The following ITPKC variants were observed in gnomAD, a reference collection of about 807,000 sequenced individuals.
ITPKC encodes IP3 3-kinase C.
A neutral mutation model predicts 67.1 loss-of-function variants in ITPKC; 33 were observed. That is an observed-to-expected ratio of 0.49 (90% CI 0.37 to 0.66). The LOEUF is 0.66. Ranked by LOEUF, ITPKC falls within the 30% of genes least tolerant of loss-of-function variation. The pLI, the probability that ITPKC is intolerant of heterozygous loss-of-function variation, is 0.00. For synonymous variants in ITPKC, 341 were observed against 359.8 expected (o/e 0.95, Z 0.59); for missense variants, 820 against 892.1 (o/e 0.92, Z 1.03).
intron 1 of ITPKC, among the ~76,000 whole-genome samples, chr19:40,725,060 CATAAG>C (rs2082240031): frequency 1.3e-5 from 2 of 151,990 alleles, no homozygotes; most frequent in Non-Finnish European, 1.5e-5. Context: ...GATCCTTACT[CATAAG>C]AGAAGGACAG....
intron 2 of ITPKC, among the ~76,000 whole-genome samples, chr19:40,727,385 A>C (rs535293365): frequency 2.6e-5 from 4 of 152,222 alleles, no homozygotes; most frequent in African/African-American, 4.8e-5. Context: ...AACAAAACCC[A>C]AAAACCCCAA....
intron 6 of ITPKC, among the ~76,000 whole-genome samples, chr19:40,738,756 G>C (rs1191344922): frequency 6.6e-6 from 1 of 152,126 alleles, no homozygotes; most frequent in African/African-American, 2.4e-5. Context: ...CATATAATAT[G>C]CCCAGCAGCC....
At chr19:40,727,582 T>C (rs1256726733) in intron 2 of ITPKC, among the ~76,000 whole-genome samples, 1 of 152,122 alleles carries the variant, frequency 6.6e-6, no homozygotes, top group Non-Finnish European at 1.5e-5. Flanking sequence ...TTCATTCACT[T>C]GCATGCGTGG....
chr19:40,719,201 C>G (rs1043015633), intron 1 of ITPKC, among the ~76,000 whole-genome samples: 1 of 152,132 alleles, frequency 6.6e-6, no homozygotes, highest in African/African-American at 2.4e-5. Flanking sequence ...ACATGCCTTC[C>G]TTGGGGACGT....
intron 3 of ITPKC, among the ~76,000 whole-genome samples, chr19:40,732,398 C>T (rs1013306064): frequency 1.3e-5 from 2 of 148,916 alleles, no homozygotes; most frequent in African/African-American, 2.5e-5. Context: ...GGTGTGGTGG[C>T]GGGCACCTGT....
chr19:40,737,886 C>A, intron 6 of ITPKC, 117 bp downstream of exon 6: 2 of 855,008 alleles, frequency 2.3e-6, no homozygotes, highest in Non-Finnish European at 3.9e-6. Flanking sequence ...CGTTGTGGCC[C>A]GCACCTGTAA....
chr19:40,729,313 A>T lies in ITPKC; in HGVS notation c.1367A>T (p.Tyr456Phe). ...CCGCTGCGACCTTTCGTGCCTGCCTACTATGGCATGGTGCTGCAGGATGGC... is the reference window on the plus strand; with the variant it reads ...CCGCTGCGACCTTTCGTGCCTGCCTTCTATGGCATGGTGCTGCAGGATGGC... ...KDPLRPFVPA[Y>F]YGMVLQDGQT... Residue 456 changes from tyrosine to phenylalanine, a missense_variant, in exon 3 of 7, where the codon TAC becomes TTC. Tyr to Phe is a conservative substitution (Grantham distance 22). Transcript: ENST00000263370. The T allele has an allele frequency of 6.2e-7, 1 of 1,614,202 alleles. No homozygotes were observed. Among genetic ancestry groups the T allele is most frequent in the Non-Finnish European group, 8.5e-7 (1 of 1,180,024 alleles).
chr19:40,723,102 C>T (rs1314882270), intron 1 of ITPKC, among the ~76,000 whole-genome samples: 1 of 152,116 alleles, frequency 6.6e-6, no homozygotes, highest in Non-Finnish European at 1.5e-5. Flanking sequence ...GCTGGGACTG[C>T]AGGTGCCCGC....
At chr19:40,718,983 C>T (rs2082208034) in intron 1 of ITPKC, among the ~76,000 whole-genome samples, 2 of 152,178 alleles carry the variant, frequency 1.3e-5, no homozygotes, top group Non-Finnish European at 2.9e-5. Context: ...TGGCTCTCCC[C>T]TGGTGAATCA....
intron 3 of ITPKC, 65 bp from the exon 4 acceptor site, chr19:40,733,089 TAATATC>T: frequency 7.4e-7 from 1 of 1,353,002 alleles, no homozygotes; most frequent in Non-Finnish European, 1.0e-6. Flanking sequence ...CTTTATGTCT[TAATATC>T]AGGAAGGGTA....
In ITPKC at chr19:40,718,268, G is replaced by GCGATCC. The variant is rs758294826; in HGVS notation, c.1137_1142dup (p.Asp379_Pro380dup). The GCGATCC allele has an allele frequency of 3.1e-5, 47 of 1,518,922 alleles. No homozygotes were observed. The East Asian group carries it at 4.3e-4, about 14-fold the overall frequency. The allele number at this position is 1,518,922 out of a possible 1,614,324, so 94.1% of individuals were successfully genotyped here. A position where few individuals can be genotyped will look rare whatever the true frequency, so the allele number is the denominator to read the frequency against. On this transcript the variant is annotated inframe_insertion, in exon 1 of 7. Transcript: ENST00000263370. ...GTGGTGGCCGGGGGCGGAGGTGCCA[G>GCGATCC]CGATCCCGAGGACAGGTCTGGGGTG... is the stretch of plus-strand genomic sequence containing the variant.
In ITPKC at chr19:40,739,914, G is replaced by A. The variant is rs1420272495; in HGVS notation, c.*354G>A. ...GGTATGGTGTGACAGGGTGCCTGTG[G>A]ACACATGAATCACTTCTAACCTGCC... On this transcript the variant is annotated 3_prime_UTR_variant, in exon 7 of 7. Transcript: ENST00000263370. 1.8e-5 allele frequency: 5 copies of A among 281,462 alleles called. No homozygotes were observed. Among genetic ancestry groups the A allele is most frequent in the Non-Finnish European group, 3.4e-5 (5 of 146,402 alleles). The allele number at this position is 281,462 out of a possible 1,614,324, so 17.4% of individuals were successfully genotyped here. A position where few individuals can be genotyped will look rare whatever the true frequency, so the allele number is the denominator to read the frequency against.
chr19:40,723,737 T>A (rs892917882), intron 1 of ITPKC, among the ~76,000 whole-genome samples: 11 of 152,110 alleles, frequency 7.2e-5, no homozygotes, highest in African/African-American at 2.7e-4. Context: ...CCTCAGGTGA[T>A]CTGCCCACCT....
Position 40,740,843 on chromosome 19 carries a change from CAG to C in ITPKC, c.*1285_*1286del. 5.0e-6 allele frequency: 2 copies of C among 396,818 alleles called. No homozygotes were observed. Among genetic ancestry groups the C allele is most frequent in the Non-Finnish European group, 8.9e-6 (2 of 225,126 alleles). 24.6% of individuals were successfully genotyped at this position (396,818 alleles called of 1,614,324 possible). Reference sequence around the variant, plus strand: ...CTACCCATGACAACACCCCAATAAACAGAACATTCAGAGCCAATGTCGTAGAG... The same window carrying C: ...CTACCCATGACAACACCCCAATAAACAACATTCAGAGCCAATGTCGTAGAG... On this transcript the variant is annotated 3_prime_UTR_variant, in exon 7 of 7. Coordinates refer to ENST00000263370, the MANE Select transcript of ITPKC (RefSeq NM_025194.3).
chr19:40,729,487 C>T (rs990020502), intron 3 of ITPKC, 72 bp downstream of exon 3: 18 of 1,382,244 alleles, frequency 1.3e-5, no homozygotes, highest in Admixed American at 3.9e-5. Context: ...TTGGCCTGGC[C>T]AGGCGCGGTG....
At chr19:40,738,840 A>C (rs2082307643) in intron 6 of ITPKC, among the ~76,000 whole-genome samples, 1 of 152,164 alleles carries the variant, frequency 6.6e-6, no homozygotes, top group South Asian at 2.1e-4. Context: ...GGATGCCGGA[A>C]ACTGTGGATA....
intron 5 of ITPKC, among the ~76,000 whole-genome samples, chr19:40,737,441 A>C (rs1368054368): frequency 6.6e-6 from 1 of 152,254 alleles, no homozygotes; most frequent in African/African-American, 2.4e-5. Flanking sequence ...CATGTGACCC[A>C]GCCTGGATCG....
Position 40,733,335 on chromosome 19 carries a change from A to G in ITPKC, c.1645A>G (p.Thr549Ala), listed in dbSNP as rs1378051967. The G allele has an allele frequency of 6.2e-7, 1 of 1,612,470 alleles. No individual in the cohort carries two copies. The highest frequency in any genetic ancestry group is 8.5e-7 in the Non-Finnish European group (1 of 1,179,330). ...GAGGGAAACCATGAGCTCCACCTCT[A>G]CCCTGGGCTTCCGGATCGAGGGCAT... Reference protein sequence around the residue: ...QWRETMSSTSTLGFRIEGIKK... With the variant: ...QWRETMSSTSALGFRIEGIKK... Residue 549 changes from threonine (T) to alanine (A), a missense_variant, in exon 4 of 7, where the codon ACC becomes GCC. This residue lies in a region of ITPKC where 339 missense variants were observed against 422.0 expected (regional missense o/e 0.80). Transcript: ENST00000263370.
chr19:40,737,707 G>A lies in ITPKC; in HGVS notation c.1786G>A (p.Val596Met), dbSNP rs751173291. ...DGDHVILQKY[V>M]ACLEELREAL... ...GCTCCCTGTCACACAGCAAAAGTAC[G>A]TGGCATGCCTAGAAGAACTTCGTGA... The change falls in exon 6 of 7, where the codon GTG becomes ATG. Residue 596 changes from valine to methionine, a missense_variant. Physicochemically the swap from Val to Met is conservative, Grantham distance 21 (BLOSUM62 1). This residue lies in a region of ITPKC where 339 missense variants were observed against 422.0 expected (regional missense o/e 0.80). Transcript: ENST00000263370. The A allele has an allele frequency of 2.0e-5, 33 of 1,614,012 alleles. No individual in the cohort carries two copies. In the Admixed American group the frequency reaches 3.8e-4, roughly 19 times the overall value.
Sources: allele counts gnomAD v4.1 joint callset (sites outside exome capture counted in the v4.1 genomes callset), GRCh38; gene constraint gnomAD v4.1.1; regional missense constraint gnomAD v4.1.1; transcripts MANE v1.5; gene names NCBI Gene and HGNC (gene_info 2026-07-23, HGNC 2026-07-21).